AMZ2: variants seen among roughly 807,000 people sequenced by gnomAD.
AMZ2 encodes the protein archaemetzincin-2.
In AMZ2, 26 loss-of-function variants were observed where a neutral mutation model predicts 36.7. The observed-to-expected ratio is 0.71, with a 90% CI of 0.52 to 0.98. The LOEUF (loss-of-function observed/expected upper bound fraction) is 0.98. Ranked by LOEUF, AMZ2 falls within the 50% of genes least tolerant of loss-of-function variation. The pLI, the probability that AMZ2 is intolerant of heterozygous loss-of-function variation, is 0.00. For missense variants in AMZ2, 394 were observed against 430.5 expected (o/e 0.92, Z 0.75); for synonymous variants, 144 against 149.1 (o/e 0.97, Z 0.25).
chr17:68,210,314 A>G (rs1242843992), intron 1 of AMZ2, among the ~76,000 whole-genome samples: 1 of 152,266 alleles, frequency 6.6e-6, no homozygotes, highest in Non-Finnish European at 1.5e-5. Flanking sequence ...TGAATGGATA[A>G]CCCAAATGTG....
At position 68,256,953 on chromosome 17, in the gene AMZ2, C is replaced by T; in HGVS notation, c.1067C>T (p.Ala356Val). 1 of 1,613,054 alleles carries T rather than the reference C, an allele frequency of 6.2e-7. No individual in the cohort carries two copies. The highest frequency in any genetic ancestry group is 2.2e-5 in the East Asian group (1 of 44,870). The change falls in exon 7 of 7, where the codon GCT becomes GTT. Residue 356 changes from alanine to valine, a missense_variant. Physicochemically the swap from Ala to Val is moderately conservative, Grantham distance 64. Coordinates refer to ENST00000359904, the MANE Select transcript of AMZ2 (RefSeq NM_016627.5). The stretch of plus-strand genomic sequence containing the variant: ...AAAGAGTGGATAATAAAATGCCTGG[C>T]TGTTCTCCAAAAATGAGGACCTTCA... Reference protein sequence around the residue: ...EWKEWIIKCLAVLQK With the variant: ...EWKEWIIKCLVVLQK
intron 1 of AMZ2, among the ~76,000 whole-genome samples, chr17:68,221,066 G>A (rs576897143): frequency 6.6e-6 from 1 of 152,198 alleles, no homozygotes; most frequent in East Asian, 1.9e-4. Context: ...TTACAGGCGT[G>A]AGCCACTGTG....
rs782802647 is a variant in AMZ2, at chr17:68,235,066, AG to A, written c.-66-13572del. Among the ~76,000 whole-genome samples, 2 of 152,198 alleles carry A rather than the reference AG, an allele frequency of 1.3e-5. No individual in the cohort carries two copies. Among genetic ancestry groups the A allele is most frequent in the Non-Finnish European group, 2.9e-5 (2 of 68,038 alleles). ...ATAGATGTATCTGCAAATGATTCCT[AG>A]GAGCAGCCCAGGCCTAGAGAGTGAA... On this transcript the variant is annotated intron_variant, in intron 1 of 7. Coordinates refer to the AMZ2 transcript ENST00000674770. This position sits in a 1 kb window ranked among gnomAD's most constrained non-coding sequence, Gnocchi z 4.2.
At chr17:68,223,484 A>G (rs1181939997) in intron 1 of AMZ2, among the ~76,000 whole-genome samples, 4 of 152,220 alleles carry the variant, frequency 2.6e-5, no homozygotes, top group African/African-American at 7.2e-5. Flanking sequence ...AGCATAAGAC[A>G]TAACTCACTA....
chr17:68,249,081 G>C (rs2074244141), intron 1 of AMZ2: 1 of 1,187,204 alleles, frequency 8.4e-7, no homozygotes, highest in African/African-American at 1.6e-5. Flanking sequence ...GATGTGAATG[G>C]AAGAAACCTG....
At chr17:68,232,902 G>A (rs562136334) in intron 1 of AMZ2, among the ~76,000 whole-genome samples, 1 of 152,360 alleles carries the variant, frequency 6.6e-6, no homozygotes, top group South Asian at 2.1e-4. Flanking sequence ...CTTCCAGGCT[G>A]AGATGGCTTG....
chr17:68,253,875 C>T (rs1360847627), intron 4 of AMZ2, among the ~76,000 whole-genome samples: 12 of 151,942 alleles, frequency 7.9e-5, no homozygotes, highest in Admixed American at 7.9e-4. Flanking sequence ...GCCTCAGCCT[C>T]CCTAGTAGCT....
In AMZ2 at chr17:68,242,499, C is replaced by T. The variant is rs1599374805; in HGVS notation, c.-66-6141C>T. On this transcript the variant is annotated intron_variant, in intron 1 of 7. Transcript: ENST00000674770. ...CGATCTCGGCTCACTGCAACCTCCA[C>T]CTCCCAGGTTCAAGTGATTCTCATG... 4.6e-5 allele frequency among the ~76,000 whole-genome samples: 7 copies of T among 152,102 alleles called. No individual in the cohort carries two copies. In the South Asian group the frequency reaches 1.2e-3, roughly 27 times the overall value.
chr17:68,215,043 C>T (rs1291633680), intron 1 of AMZ2, among the ~76,000 whole-genome samples: 1 of 152,198 alleles, frequency 6.6e-6, no homozygotes, highest in African/African-American at 2.4e-5. Context: ...CTCGGCCTCT[C>T]AAAGTGCTGG....
At chr17:68,250,989 T>C (rs2074417424) in intron 3 of AMZ2, 22 bp downstream of exon 3, 2 of 1,611,382 alleles carry the variant, frequency 1.2e-6, no homozygotes, top group Non-Finnish European at 1.7e-6. Context: ...GACTTTGCAA[T>C]TCGAACTGAG....
At chr17:68,211,528 T>A (rs2073045364) in intron 1 of AMZ2, among the ~76,000 whole-genome samples, 1 of 151,044 alleles carries the variant, frequency 6.6e-6, no homozygotes, top group Admixed American at 6.6e-5. Context: ...AAAAAATGTT[T>A]TGGAATTAAA....
At chr17:68,221,211 C>CA (rs1465673320) in intron 1 of AMZ2, among the ~76,000 whole-genome samples, 20 of 83,850 alleles carry the variant, frequency 2.4e-4, no homozygotes, top group African/African-American at 8.6e-4. Flanking sequence ...CCCTCAGCTC[C>CA]CCCCCCCGCC....
intron 1 of AMZ2, among the ~76,000 whole-genome samples, chr17:68,236,446 TAAA>T (rs1247462977): frequency 2.0e-5 from 3 of 150,752 alleles, no homozygotes; most frequent in Admixed American, 6.6e-5. Context: ...GGTAAATAGT[TAAA>T]AAAAATAAAG....
At chr17:68,246,980 G>C (rs1306480143), upstream of AMZ2, 2 of 151,930 alleles carry the variant, frequency 1.3e-5, no homozygotes, top group Admixed American at 1.3e-4. Context: ...GGTGCGGGGG[G>C]GTGGATCACC....
At chr17:68,218,765 T>C (rs368456638) in intron 1 of AMZ2, among the ~76,000 whole-genome samples, 3 of 152,334 alleles carry the variant, frequency 2.0e-5, no homozygotes, top group East Asian at 1.9e-4. Flanking sequence ...CTTCATCTAG[T>C]GTTCTCATCT....
intron 1 of AMZ2, among the ~76,000 whole-genome samples, chr17:68,228,386 G>T (rs2073570130): frequency 6.6e-6 from 1 of 152,166 alleles, no homozygotes; most frequent in Non-Finnish European, 1.5e-5. Flanking sequence ...GGGGTCACAT[G>T]GTGATTTCAT....
At chr17:68,253,571 T>C (rs573041532) in intron 4 of AMZ2, among the ~76,000 whole-genome samples, 1 of 151,968 alleles carries the variant, frequency 6.6e-6, no homozygotes, top group South Asian at 2.1e-4. Context: ...GGGGGTAGGG[T>C]TGGGGAAGGG....
chr17:68,232,275 T>A (rs1555731440), intron 1 of AMZ2, among the ~76,000 whole-genome samples: 1 of 151,860 alleles, frequency 6.6e-6, no homozygotes, highest in African/African-American at 2.4e-5. Context: ...GGTTGGAGGA[T>A]CACTGGAGCC....
chr17:68,222,812 G>A (rs1224702627), intron 1 of AMZ2, among the ~76,000 whole-genome samples: 1 of 152,202 alleles, frequency 6.6e-6, no homozygotes, highest in South Asian at 2.1e-4. Context: ...TAAATTCAGA[G>A]GAAGCTTTCC....
Sources: gnomAD v4.1 joint callset for allele counts (sites outside exome capture counted in the v4.1 genomes callset) on GRCh38, gnomAD v4.1.1 for gene constraint, Gnocchi (gnomAD v3.1) non-coding constraint, MANE v1.5 for transcripts, NCBI Gene and HGNC (gene_info 2026-07-23, HGNC 2026-07-21) for gene names.